Variants in CNTNAP5 observed in about 807,000 individuals in gnomAD.
CNTNAP5 encodes contactin associated protein family member 5.
CNTNAP5 carries 72 observed loss-of-function variants against 150.2 expected under a neutral mutation model. The observed-to-expected ratio is 0.48, with a 90% CI of 0.40 to 0.58. The LOEUF (loss-of-function observed/expected upper bound fraction) is 0.58. CNTNAP5 is among the 20% of genes least tolerant of loss of function. The pLI, the probability that CNTNAP5 is intolerant of heterozygous loss-of-function variation, is 0.00. For missense variants in CNTNAP5, 1,636 were observed against 1,626.2 expected (o/e 1.01, Z -0.10); for synonymous variants, 672 against 619.8 (o/e 1.08, Z -1.25).
At chr2:124,314,065 G>A (rs922889639) in intron 3 of CNTNAP5, among the ~76,000 whole-genome samples, 10 of 152,150 alleles carry the variant, frequency 6.6e-5, no homozygotes, top group Non-Finnish European at 7.3e-5. Flanking sequence ...AATACCGTGC[G>A]TGGATGATTT....
At chr2:124,196,864 A>G (rs1297260774) in intron 1 of CNTNAP5, among the ~76,000 whole-genome samples, 3 of 152,206 alleles carry the variant, frequency 2.0e-5, no homozygotes, top group Non-Finnish European at 4.4e-5. Context: ...TGTTGGCATT[A>G]CATAGATGCT....
intron 19 of CNTNAP5, among the ~76,000 whole-genome samples, chr2:124,822,825 A>G (rs775484070): frequency 1.3e-5 from 2 of 152,110 alleles, no homozygotes; most frequent in Non-Finnish European, 2.9e-5. Context: ...GCTGAGAAAA[A>G]TTTTAAAGAA....
At chr2:124,039,241 G>A (rs950869941) in intron 1 of CNTNAP5, among the ~76,000 whole-genome samples, 1 of 152,164 alleles carries the variant, frequency 6.6e-6, no homozygotes, top group African/African-American at 2.4e-5. Flanking sequence ...TGCATTCCAG[G>A]CATTCCCTTG....
At chr2:124,284,954 G>T (rs912442194) in intron 3 of CNTNAP5, among the ~76,000 whole-genome samples, 3 of 152,076 alleles carry the variant, frequency 2.0e-5, no homozygotes, top group African/African-American at 7.2e-5. Flanking sequence ...GTCTTGCTTT[G>T]TCACCCAGGC....
intron 12 of CNTNAP5, among the ~76,000 whole-genome samples, chr2:124,631,412 A>G (rs1677857863): frequency 6.6e-6 from 1 of 152,200 alleles, no homozygotes; most frequent in African/African-American, 2.4e-5. Context: ...GAATTCAGAA[A>G]TGAAACCATA....
At chr2:124,506,064 C>CA (rs1471100310) in intron 8 of CNTNAP5, among the ~76,000 whole-genome samples, 3 of 151,962 alleles carry the variant, frequency 2.0e-5, no homozygotes, top group African/African-American at 7.3e-5. Context: ...GAAGCCAAGG[C>CA]AATATTAATA....
At chr2:124,624,933 G>A (rs750811539) in intron 12 of CNTNAP5, among the ~76,000 whole-genome samples, 2 of 152,128 alleles carry the variant, frequency 1.3e-5, no homozygotes, top group Non-Finnish European at 2.9e-5. Context: ...GATTTTCTTA[G>A]CAATCCATGT....
In CNTNAP5 at chr2:124,914,414, C is replaced by A; in HGVS notation, c.*126C>A. On this transcript the variant is annotated 3_prime_UTR_variant, in exon 24 of 24. Transcript: ENST00000682447. ...CTTGCCATGTCTTTTCTGGAACATA[C>A]TTGCATCCACCACAGCATCAATTCC... 1 of 711,736 alleles carries A rather than the reference C, an allele frequency of 1.4e-6. No homozygotes were observed. Among genetic ancestry groups the A allele is most frequent in the Non-Finnish European group, 2.4e-6 (1 of 422,168 alleles). The allele number at this position is 711,736 out of a possible 1,614,324, so 44.1% of individuals were successfully genotyped here. A position where few individuals can be genotyped will look rare whatever the true frequency, so the allele number is the denominator to read the frequency against.
chr2:124,037,642 A>G (rs1034325136), intron 1 of CNTNAP5, among the ~76,000 whole-genome samples: 2 of 152,160 alleles, frequency 1.3e-5, no homozygotes, highest in South Asian at 4.1e-4. Context: ...TCAAATTCCT[A>G]GAAGCAGGAG....
intron 1 of CNTNAP5, among the ~76,000 whole-genome samples, chr2:124,066,275 G>A (rs937569580): frequency 1.3e-5 from 2 of 152,206 alleles, no homozygotes; most frequent in Non-Finnish European, 2.9e-5. Context: ...AATGATTTCA[G>A]TTTAGTCTTG....
At chr2:124,410,817 G>T (rs540137336) in intron 3 of CNTNAP5, among the ~76,000 whole-genome samples, 1 of 149,822 alleles carries the variant, frequency 6.7e-6, no homozygotes, top group Admixed American at 6.7e-5. Flanking sequence ...ACAATTAAAA[G>T]AACTAGAAAA....
chr2:124,697,094 TA>T (rs569150760), intron 13 of CNTNAP5, among the ~76,000 whole-genome samples: 16 of 152,170 alleles, frequency 1.1e-4, no homozygotes, highest in Admixed American at 7.2e-4. Flanking sequence ...TTGATTTTTT[TA>T]AAAAAAATCT....
intron 1 of CNTNAP5, among the ~76,000 whole-genome samples, chr2:124,030,535 A>G (rs1031593198): frequency 2.0e-5 from 3 of 152,156 alleles, no homozygotes; most frequent in Non-Finnish European, 2.9e-5. Flanking sequence ...GACACTGTGT[A>G]TATACATATC....
chr2:124,331,582 T>A (rs1429848254), intron 3 of CNTNAP5, among the ~76,000 whole-genome samples: 3 of 151,972 alleles, frequency 2.0e-5, no homozygotes, highest in African/African-American at 7.2e-5. Context: ...TTTTGGAATT[T>A]TTTTTTTTTA....
chr2:124,666,328 G>GA (rs1354688331), intron 13 of CNTNAP5, among the ~76,000 whole-genome samples: 6 of 152,138 alleles, frequency 3.9e-5, no homozygotes, highest in African/African-American at 1.4e-4. Flanking sequence ...GGAGTCAGCA[G>GA]AAAAAAATAT....
At chr2:124,573,713 T>C (rs1696215818) in intron 11 of CNTNAP5, among the ~76,000 whole-genome samples, 1 of 152,200 alleles carries the variant, frequency 6.6e-6, no homozygotes, top group Admixed American at 6.5e-5. Context: ...ATCTGGAATA[T>C]ACATACATAA....
At chr2:124,227,358 A>T (rs528488778) in intron 2 of CNTNAP5, among the ~76,000 whole-genome samples, 2 of 152,022 alleles carry the variant, frequency 1.3e-5, no homozygotes, top group Non-Finnish European at 2.9e-5. Context: ...CAGATCTACT[A>T]CTCAACACCA....
At chr2:124,040,225 G>T (rs545936666) in intron 1 of CNTNAP5, among the ~76,000 whole-genome samples, 1 of 152,108 alleles carries the variant, frequency 6.6e-6, no homozygotes, top group African/African-American at 2.4e-5. Flanking sequence ...TGGTTCTTTT[G>T]CCTAACAGAT....
chr2:124,264,532 G>A (rs1489326470), intron 3 of CNTNAP5, among the ~76,000 whole-genome samples: 2 of 152,118 alleles, frequency 1.3e-5, no homozygotes. Context: ...CTGAGAGTCA[G>A]TCCAGTCAAG....
Sources: allele counts gnomAD v4.1 joint callset (sites outside exome capture counted in the v4.1 genomes callset), GRCh38; gene constraint gnomAD v4.1.1; transcripts MANE v1.5; gene names NCBI Gene and HGNC (gene_info 2026-07-23, HGNC 2026-07-21).